Variants in CFAP107 observed in about 807,000 individuals in gnomAD.
CFAP107 encodes cilia and flagella associated protein 107, also known as cilia- and flagella-associated protein 107.
chr1:12,753,592 G>A, the CFAP107 span: 1 of 152,132 alleles, frequency 6.6e-6, no homozygotes, highest in African/African-American at 2.4e-5. Context: ...GACTCTTGAC[G>A]AGGATGCTAA....
At chr1:12,748,725 AGT>A in the CFAP107 span, among the ~76,000 whole-genome samples, 1,070 of 152,314 alleles carry the variant, frequency 7.0e-3, 12 homozygotes, top group African/African-American at 0.025. Flanking sequence ...AAGAAAATAA[AGT>A]GAGAGAATAA....
At chr1:12,759,566 C>T in the CFAP107 span, 6 of 1,518,038 alleles carry the variant, frequency 4.0e-6, no homozygotes, top group Non-Finnish European at 5.5e-6. Context: ...CTGCCTCATG[C>T]AGAAGGAGCC....
the CFAP107 span, chr1:12,759,603 G>C: frequency 1.2e-5 from 14 of 1,202,292 alleles, no homozygotes; most frequent in Non-Finnish European, 1.7e-5. Flanking sequence ...CTCCAGGAGA[G>C]CAGCGGATGA....
chr1:12,748,917 G>T, the CFAP107 span, among the ~76,000 whole-genome samples: 2 of 152,130 alleles, frequency 1.3e-5, no homozygotes, highest in Non-Finnish European at 2.9e-5. Context: ...GCTGAAAAAT[G>T]CAATAACTGA....
At chr1:12,749,191 T>TA in the CFAP107 span, among the ~76,000 whole-genome samples, 17 of 152,210 alleles carry the variant, frequency 1.1e-4, no homozygotes, top group South Asian at 1.2e-3. Flanking sequence ...ACTCCAAGTA[T>TA]AAAAAATCTA....
At chr1:12,760,831 T>C in the CFAP107 span, 1 of 1,614,184 alleles carries the variant, frequency 6.2e-7, no homozygotes. Context: ...CACCCAAGGC[T>C]GGCCTGAAGC....
At chr1:12,761,163 G>A in the CFAP107 span, 1 of 546,026 alleles carries the variant, frequency 1.8e-6, no homozygotes, top group Non-Finnish European at 3.2e-6. Context: ...AAAGATCTTT[G>A]ACACTATTGC....
the CFAP107 span, among the ~76,000 whole-genome samples, chr1:12,748,688 A>G: frequency 6.7e-6 from 1 of 150,172 alleles, no homozygotes; most frequent in Non-Finnish European, 1.5e-5. Flanking sequence ...ATGAAGATAC[A>G]GAAAAAAAAA....
At chr1:12,755,330 G>T in the CFAP107 span, among the ~76,000 whole-genome samples, 2 of 152,064 alleles carry the variant, frequency 1.3e-5, no homozygotes, top group East Asian at 1.9e-4. Context: ...GCTTGAACCC[G>T]AGAGGCAGAG....
the CFAP107 span, chr1:12,760,737 C>T: frequency 1.3e-6 from 2 of 1,597,168 alleles, no homozygotes; most frequent in Admixed American, 3.4e-5. Flanking sequence ...CTTCTGTAAG[C>T]CCCATTCAAC....
the CFAP107 span, chr1:12,760,697 C>T: frequency 1.6e-5 from 24 of 1,467,980 alleles, no homozygotes; most frequent in African/African-American, 8.4e-5. Context: ...TGCCCAGTCT[C>T]GTGGCCATTG....
the CFAP107 span, among the ~76,000 whole-genome samples, chr1:12,758,708 C>T: frequency 2.0e-5 from 3 of 152,208 alleles, 1 homozygote; most frequent in Admixed American, 2.0e-4. Flanking sequence ...AGCACTGATT[C>T]AGGCAAACAT....
chr1:12,746,567 G>C, the CFAP107 span: 7 of 1,504,308 alleles, frequency 4.7e-6, no homozygotes, highest in African/African-American at 1.4e-5. Context: ...AGGTTGGAGA[G>C]AGGGCTCAGA....
chr1:12,760,894 G>A, the CFAP107 span: 1 of 1,614,080 alleles, frequency 6.2e-7, no homozygotes, highest in Non-Finnish European at 8.5e-7. Flanking sequence ...CTATGTCCTG[G>A]AGGGAGCATG....
At chr1:12,758,165 C>A in the CFAP107 span, among the ~76,000 whole-genome samples, 1 of 152,096 alleles carries the variant, frequency 6.6e-6, no homozygotes, top group African/African-American at 2.4e-5. Flanking sequence ...CCTGATGTGG[C>A]CCTGCAGGGC....
the CFAP107 span, chr1:12,759,464 A>T: frequency 1.2e-6 from 2 of 1,614,068 alleles, no homozygotes; most frequent in African/African-American, 2.7e-5. Flanking sequence ...TGGCTGCCAG[A>T]GAAGTCTGAC....
the CFAP107 span, among the ~76,000 whole-genome samples, chr1:12,752,791 T>C: frequency 2.0e-5 from 3 of 152,022 alleles, no homozygotes; most frequent in Non-Finnish European, 4.4e-5. Context: ...AGCTTTTCCT[T>C]TAAGATTAGG....
the CFAP107 span, among the ~76,000 whole-genome samples, chr1:12,757,487 T>A: frequency 1.2e-4 from 18 of 152,032 alleles, no homozygotes; most frequent in Non-Finnish European, 2.2e-4. Context: ...GTTGGAACAA[T>A]TCTCCTTGCC....
chr1:12,754,199 A>T, the CFAP107 span, among the ~76,000 whole-genome samples: 1 of 152,232 alleles, frequency 6.6e-6, no homozygotes, highest in African/African-American at 2.4e-5. Flanking sequence ...AAGCAACCTG[A>T]TTAAAAAATG....
Sources: gnomAD v4.1 joint callset for allele counts (sites outside exome capture counted in the v4.1 genomes callset) on GRCh38, gnomAD v4.1.1 for gene constraint, MANE v1.5 for transcripts, NCBI Gene and HGNC (gene_info 2026-07-23, HGNC 2026-07-21) for gene names.